Variants in ZFYVE9 observed in about 807,000 individuals in gnomAD.
The protein encoded by ZFYVE9 is zinc finger FYVE-type containing 9.
A neutral mutation model predicts 126.7 loss-of-function variants in ZFYVE9; 43 were observed. The ratio of observed to expected loss-of-function variants is 0.34; its 90% confidence interval spans 0.27 to 0.44. ZFYVE9 has a LOEUF of 0.44. Among genes scored for constraint, ZFYVE9 ranks in the 20% least tolerant of loss-of-function variants. ZFYVE9 has a pLI of 1.00. For missense variants in ZFYVE9, 1,476 were observed against 1,697.0 expected, an observed-to-expected ratio of 0.87 and a Z score of 2.29; for synonymous variants, 521 against 597.4, an observed-to-expected ratio of 0.87 and a Z score of 1.87.
Position 52,238,727 on chromosome 1 carries a change from G to A in ZFYVE9, c.1310G>A (p.Gly437Glu). The A allele has an allele frequency of 1.2e-6, 2 of 1,614,124 alleles. No homozygotes were observed. ...GAGGACACTAATGGTGATAGTGGAG[G>A]ACAGTGTGTTGGATTGGCAGATGCA... Reference protein sequence around the residue: ...QPEDTNGDSGGQCVGLADAGL... With the variant: ...QPEDTNGDSGEQCVGLADAGL... Residue 437 changes from glycine (G) to glutamate (E), a missense_variant, in exon 4 of 19, where the codon GGA becomes GAA. Gly to Glu is a moderately conservative substitution (Grantham distance 98). Around this residue, in one of 2 missense-constraint regions of ZFYVE9, gnomAD observed 807 missense variants for 794.6 expected, o/e 1.02. Coordinates refer to ENST00000287727, the MANE Select transcript of ZFYVE9 (RefSeq NM_004799.4).
At chr1:52,272,701 G>A (rs1255598560) in intron 7 of ZFYVE9, among the ~76,000 whole-genome samples, 6 of 114,912 alleles carry the variant, frequency 5.2e-5, no homozygotes, top group Non-Finnish European at 9.8e-5. Context: ...TTTGAGTCTC[G>A]CTCTGTTGCC....
chr1:52,333,546 AT>A (rs1178718244), intron 14 of ZFYVE9, among the ~76,000 whole-genome samples: 1 of 152,202 alleles, frequency 6.6e-6, no homozygotes, highest in Non-Finnish European at 1.5e-5. Flanking sequence ...TCAAGTGCAC[AT>A]TCGACTTTGA....
chr1:52,324,678 C>T (rs2147862727), intron 13 of ZFYVE9, among the ~76,000 whole-genome samples: 1 of 152,314 alleles, frequency 6.6e-6, no homozygotes, highest in Non-Finnish European at 1.5e-5. Context: ...ATCCTGTCCT[C>T]TGAATTGTGA....
intron 1 of ZFYVE9, among the ~76,000 whole-genome samples, chr1:52,168,311 G>A (rs1316247054): frequency 3.4e-5 from 5 of 147,880 alleles, no homozygotes; most frequent in Middle Eastern, 3.6e-3. Flanking sequence ...CTGCTGCCCA[G>A]GTTCAAGCAG....
chr1:52,317,771 G>A (rs1040614441), intron 13 of ZFYVE9, among the ~76,000 whole-genome samples: 1 of 152,152 alleles, frequency 6.6e-6, no homozygotes, highest in African/African-American at 2.4e-5. Context: ...TTACAGGTCC[G>A]ATAGACAGTA....
At chr1:52,224,734 G>A (rs1481444887) in intron 2 of ZFYVE9, among the ~76,000 whole-genome samples, 2 of 152,172 alleles carry the variant, frequency 1.3e-5, no homozygotes, top group East Asian at 1.9e-4. Context: ...ATAGGGGACT[G>A]TCAGGGGGAA....
At chr1:52,265,524 A>T (rs150761344) in intron 5 of ZFYVE9, among the ~76,000 whole-genome samples, 1 of 152,156 alleles carries the variant, frequency 6.6e-6, no homozygotes, top group African/African-American at 2.4e-5. Context: ...CTTTCATCCT[A>T]TTTGCTTTAA....
intron 13 of ZFYVE9, among the ~76,000 whole-genome samples, chr1:52,316,165 C>CAAAAAAAAAA (rs367815611): frequency 2.0e-4 from 8 of 39,208 alleles, no homozygotes; most frequent in Non-Finnish European, 3.0e-4. Flanking sequence ...AACTCCATCT[C>CAAAAAAAAAA]AAAAAAAAAA....
intron 13 of ZFYVE9, among the ~76,000 whole-genome samples, chr1:52,330,402 C>T (rs1646329945): frequency 1.3e-5 from 2 of 152,070 alleles, no homozygotes; most frequent in South Asian, 4.1e-4. Context: ...GCTCCATAGG[C>T]AGAGCAGTGT....
chr1:52,334,789 T>G (rs1407887480), intron 15 of ZFYVE9, 21 bp downstream of exon 15: 1 of 1,610,792 alleles, frequency 6.2e-7, no homozygotes, highest in Non-Finnish European at 8.5e-7. Flanking sequence ...AATTGTTCAG[T>G]CCTCATAATA....
At chr1:52,283,634 A>G (rs1345064712) in intron 10 of ZFYVE9, among the ~76,000 whole-genome samples, 1 of 152,228 alleles carries the variant, frequency 6.6e-6, no homozygotes, top group Non-Finnish European at 1.5e-5. Context: ...TTCCATTTAT[A>G]TGGTTTTCTA....
At chr1:52,245,370 G>GC in intron 4 of ZFYVE9, among the ~76,000 whole-genome samples, 1 of 152,260 alleles carries the variant, frequency 6.6e-6, no homozygotes. Context: ...AGCTGCAGAT[G>GC]CTCTGCAGTG....
At chr1:52,186,868 C>A (rs1326028148) in intron 1 of ZFYVE9, among the ~76,000 whole-genome samples, 3 of 152,058 alleles carry the variant, frequency 2.0e-5, no homozygotes, top group Non-Finnish European at 2.9e-5. Context: ...TAGGAAGAAT[C>A]AATATCATTA....
In ZFYVE9 at chr1:52,238,229, C is replaced by T. The variant is rs1417690557; in HGVS notation, c.812C>T (p.Ser271Leu). 1.2e-6 allele frequency: 2 copies of T among 1,613,944 alleles called. No individual in the cohort carries two copies. The highest frequency in any genetic ancestry group is 1.7e-6 in the Non-Finnish European group (2 of 1,179,974). The change falls in exon 4 of 19, where the codon TCA (serine) becomes TTA (leucine). Residue 271 changes from serine to leucine, a missense_variant. Physicochemically the swap from Ser to Leu is moderately radical, Grantham distance 145 (BLOSUM62 -2). Transcript: ENST00000287727. ...ITSLTVDSVI[S>L]SQGTDGCPAV... ...AGTTTAACGGTTGATTCAGTAATCT[C>T]ATCCCAGGGAACAGATGGATGTCCT...
At chr1:52,160,643 T>C (rs907976037) in intron 1 of ZFYVE9, 7 of 635,994 alleles carry the variant, frequency 1.1e-5, no homozygotes, top group Admixed American at 5.3e-5. Flanking sequence ...GTTGATCTCC[T>C]GACCTCGTGA....
Position 52,160,538 on chromosome 1 carries a change from T to G in ZFYVE9, c.-143+18135T>G. 5.2e-6 allele frequency: 4 copies of G among 773,808 alleles called. No individual in the cohort carries two copies. In the South Asian group the frequency reaches 5.5e-5, roughly 11 times the overall value. The allele number at this position is 773,808 out of a possible 1,614,324, so 47.9% of individuals were successfully genotyped here. ...CACCACGCTGATGCCCCAGCCCTTG[T>G]GACACGCCTCAAGTGCTGCTCTCAT... is the stretch of plus-strand genomic sequence containing the variant. On this transcript the variant is annotated intron_variant, in intron 1 of 18. Transcript: ENST00000287727.
chr1:52,284,480 C>T (rs776847015), intron 10 of ZFYVE9, among the ~76,000 whole-genome samples: 13 of 151,210 alleles, frequency 8.6e-5, no homozygotes, highest in South Asian at 2.1e-4. Flanking sequence ...AGTGCAGTGG[C>T]GCTATCTCAG....
intron 13 of ZFYVE9, among the ~76,000 whole-genome samples, chr1:52,313,872 A>T (rs1185213233): frequency 6.6e-6 from 1 of 152,252 alleles, no homozygotes; most frequent in East Asian, 1.9e-4. Context: ...GACAATGCTG[A>T]AGAAAAAACT....
chr1:52,204,998 G>C (rs1417443015), intron 1 of ZFYVE9, among the ~76,000 whole-genome samples: 1 of 151,768 alleles, frequency 6.6e-6, no homozygotes, highest in Non-Finnish European at 1.5e-5. Context: ...TTTCTGCTTA[G>C]GTAATTTGTG....
Sources: allele counts gnomAD v4.1 joint callset (sites outside exome capture counted in the v4.1 genomes callset), GRCh38; gene constraint gnomAD v4.1.1; regional missense constraint gnomAD v4.1.1; transcripts MANE v1.5; gene names NCBI Gene and HGNC (gene_info 2026-07-23, HGNC 2026-07-21).